IKZF2: variants seen among roughly 807,000 people sequenced by gnomAD.
IKZF2 encodes IKAROS family zinc finger 2.
A neutral mutation model predicts 49.2 loss-of-function variants in IKZF2; 15 were observed. The observed-to-expected ratio is 0.30, with a 90% CI of 0.20 to 0.47. IKZF2 has a LOEUF of 0.47. Ranked by LOEUF, IKZF2 falls within the 20% of genes least tolerant of loss-of-function variation. The probability of loss-of-function intolerance (pLI) is 1.00; values close to 1 mark genes in which losing one functional copy is unlikely to be tolerated. For missense variants in IKZF2, 567 were observed against 664.6 expected (o/e 0.85, Z 1.61); for synonymous variants, 227 against 221.4 (o/e 1.03, Z -0.23).
In IKZF2 at chr2:213,098,187, A is replaced by G. The variant is rs548652416; in HGVS notation, c.140-41088T>C. 2.6e-5 allele frequency among the ~76,000 whole-genome samples: 4 copies of G among 152,104 alleles called. No homozygotes were observed. The South Asian group carries it at 8.3e-4, about 32-fold the overall frequency. On this transcript the variant is annotated intron_variant, in intron 4 of 8. Coordinates refer to ENST00000434687, the MANE Select transcript of IKZF2 (RefSeq NM_001387220.1). The stretch of plus-strand genomic sequence containing the variant: ...TGGTATGGGATGGGGTAAAAATACC[A>G]GTATTTTTTAAACATATCCAGATGA...
chr2:213,132,779 T>A (rs1164896974), intron 4 of IKZF2, among the ~76,000 whole-genome samples: 2 of 152,206 alleles, frequency 1.3e-5, no homozygotes. Context: ...TGAAATGCAT[T>A]ACTACCACTT....
At chr2:213,048,922 G>GAAGAA (rs1700421648) in intron 6 of IKZF2, among the ~76,000 whole-genome samples, 1 of 151,972 alleles carries the variant, frequency 6.6e-6, no homozygotes, top group African/African-American at 2.4e-5. Context: ...ATTATGAACA[G>GAAGAA]AAGAAACAAA....
intron 4 of IKZF2, among the ~76,000 whole-genome samples, chr2:213,123,720 C>T (rs1482778306): frequency 6.6e-6 from 1 of 152,112 alleles, no homozygotes; most frequent in African/African-American, 2.4e-5. Flanking sequence ...CCATACTTAA[C>T]ATGCTTTACT....
At chr2:213,099,202 T>C (rs1044491460) in intron 4 of IKZF2, among the ~76,000 whole-genome samples, 1 of 151,916 alleles carries the variant, frequency 6.6e-6, no homozygotes, top group Non-Finnish European at 1.5e-5. Flanking sequence ...GTCAGCCTCC[T>C]CCCCCCATCC....
At chr2:213,010,515 C>T (rs1260588976) in intron 8 of IKZF2, among the ~76,000 whole-genome samples, 1 of 152,118 alleles carries the variant, frequency 6.6e-6, no homozygotes, top group Non-Finnish European at 1.5e-5. Context: ...GGTTCTGAGC[C>T]TGCTTCTAGG....
intron 4 of IKZF2, among the ~76,000 whole-genome samples, chr2:213,133,620 T>C (rs924987541): frequency 1.3e-5 from 2 of 151,264 alleles, no homozygotes; most frequent in South Asian, 4.2e-4. Flanking sequence ...AATCTCAGCT[T>C]CTCGGGAGGC....
intron 6 of IKZF2, among the ~76,000 whole-genome samples, chr2:213,026,646 T>C (rs1481551184): frequency 1.3e-5 from 2 of 152,138 alleles, no homozygotes; most frequent in Non-Finnish European, 1.5e-5. Flanking sequence ...GTAAAATCCA[T>C]AATTATATCA....
At chr2:213,044,698 G>A (rs1285127308) in intron 6 of IKZF2, among the ~76,000 whole-genome samples, 1 of 152,158 alleles carries the variant, frequency 6.6e-6, no homozygotes, top group Non-Finnish European at 1.5e-5. Flanking sequence ...CTGAGTGCCT[G>A]GAATACTCAA....
intron 4 of IKZF2, among the ~76,000 whole-genome samples, chr2:213,127,248 C>T (rs1042595991): frequency 3.3e-5 from 5 of 152,130 alleles, no homozygotes; most frequent in Non-Finnish European, 7.4e-5. Context: ...TCATTAGTGG[C>T]AGGTTGTGGA....
chr2:213,040,207 G>A (rs1699482451), intron 6 of IKZF2, among the ~76,000 whole-genome samples: 1 of 147,508 alleles, frequency 6.8e-6, no homozygotes, highest in African/African-American at 2.5e-5. Context: ...AGAGGTACAT[G>A]TGCAGGTTTG....
intron 4 of IKZF2, among the ~76,000 whole-genome samples, chr2:213,135,004 C>T (rs1040683775): frequency 6.6e-6 from 1 of 152,124 alleles, no homozygotes; most frequent in Non-Finnish European, 1.5e-5. Flanking sequence ...TCTGCTCTTT[C>T]TTTTATAGGC....
chr2:213,124,294 A>C (rs2060181719), intron 4 of IKZF2, among the ~76,000 whole-genome samples: 1 of 146,584 alleles, frequency 6.8e-6, no homozygotes, highest in Non-Finnish European at 1.5e-5. Context: ...ACACACACAC[A>C]CACAGCCACA....
rs113572750 is a variant in IKZF2, at chr2:213,033,667, C to CTTATA, written c.575-11538_575-11537insTATAA. Among the ~76,000 whole-genome samples, 12 of 151,916 alleles carry CTTATA rather than the reference C, an allele frequency of 7.9e-5. No individual in the cohort carries two copies. In the Middle Eastern group the frequency reaches 0.014, roughly 173 times the overall value. The stretch of plus-strand genomic sequence containing the variant: ...TTCTGAGCAGTGTCTAAACAATAGG[C>CTTATA]TTATTCACTAAACCATATTGTAAAC... On this transcript the variant is annotated intron_variant, in intron 6 of 8. Transcript: ENST00000434687.
intron 4 of IKZF2, among the ~76,000 whole-genome samples, chr2:213,064,744 G>A (rs1183815335): frequency 9.1e-6 from 1 of 109,390 alleles, no homozygotes; most frequent in South Asian, 2.8e-4. Context: ...TTGCACATCT[G>A]TTTTTGCATC....
chr2:213,108,546 A>G lies in IKZF2; in HGVS notation c.139+39162T>C, dbSNP rs547169649. On this transcript the variant is annotated intron_variant, in intron 4 of 8. Transcript: ENST00000434687. The stretch of plus-strand genomic sequence containing the variant: ...GCAGTAGCCATCGGGCTACAGTGGT[A>G]GTGTTACTTTACCAAAATAAACCCC... Among the ~76,000 whole-genome samples the G allele has an allele frequency of 5.3e-5, 8 of 152,162 alleles. 1 individual carries two copies. The highest frequency in any genetic ancestry group is 1.0e-4 in the Non-Finnish European group (7 of 68,028).
At position 213,100,447 on chromosome 2, in the gene IKZF2, T is replaced by C. The variant is rs933139498; in HGVS notation, c.140-43348A>G. 2.0e-5 allele frequency among the ~76,000 whole-genome samples: 3 copies of C among 152,146 alleles called. No homozygotes were observed. In the East Asian group the frequency reaches 5.8e-4, roughly 29 times the overall value. ...AAATCCTTATTAATGGTGTTTCACT[T>C]ACATGAATCTCAATTCAAACTAGGT... On this transcript the variant is annotated intron_variant, in intron 4 of 8. Transcript: ENST00000434687.
intron 4 of IKZF2, among the ~76,000 whole-genome samples, chr2:213,081,710 C>T (rs1703974127): frequency 6.6e-6 from 1 of 152,076 alleles, no homozygotes; most frequent in Non-Finnish European, 1.5e-5. Context: ...TCATCAGGTA[C>T]CAGTCATGGG....
intron 6 of IKZF2, among the ~76,000 whole-genome samples, chr2:213,044,421 A>G (rs1474067653): frequency 6.6e-6 from 1 of 152,190 alleles, no homozygotes; most frequent in Non-Finnish European, 1.5e-5. Flanking sequence ...TGATATCAGA[A>G]ATGGCCCAAA....
chr2:213,111,255 A>G (rs6734831), intron 4 of IKZF2, among the ~76,000 whole-genome samples: 1 of 151,974 alleles, frequency 6.6e-6, no homozygotes, highest in African/African-American at 2.4e-5. Flanking sequence ...TCATGTATAT[A>G]TCTTTGTTCC....
Sources: gnomAD v4.1 joint callset for allele counts (sites outside exome capture counted in the v4.1 genomes callset) on GRCh38, gnomAD v4.1.1 for gene constraint, MANE v1.5 for transcripts, NCBI Gene and HGNC (gene_info 2026-07-23, HGNC 2026-07-21) for gene names.